The following ATF7IP2 variants were observed in gnomAD, a reference collection of about 807,000 sequenced individuals.
ATF7IP2 encodes the protein activating transcription factor 7 interacting protein 2, also known as activating transcription factor 7-interacting protein 2.
ATF7IP2 carries 42 observed loss-of-function variants against 64.2 expected under a neutral mutation model. The ratio of observed to expected loss-of-function variants is 0.65; its 90% CI spans 0.51 to 0.85. The LOEUF (loss-of-function observed/expected upper bound fraction) is 0.85. ATF7IP2 is among the 40% of genes least tolerant of loss of function. The pLI, the probability that ATF7IP2 is intolerant of heterozygous loss-of-function variation, is 0.00. For synonymous variants in ATF7IP2, 308 were observed against 272.8 expected (o/e 1.13, Z -1.27); for missense variants, 933 against 784.2 (o/e 1.19, Z -2.27).
intron 8 of ATF7IP2, chr16:10,446,733 G>A (rs889995973): frequency 6.6e-6 from 1 of 152,108 alleles, no homozygotes; most frequent in Non-Finnish European, 1.5e-5. Flanking sequence ...GGACTATCAG[G>A]GGGAATGTTA....
chr16:10,407,400 A>T (rs1226488313), intron 1 of ATF7IP2, among the ~76,000 whole-genome samples: 2 of 152,154 alleles, frequency 1.3e-5, no homozygotes, highest in East Asian at 3.9e-4. Flanking sequence ...ATCAGAGGAG[A>T]AATAAGGGGC....
At chr16:10,418,057 G>C (rs938003296) in intron 2 of ATF7IP2, among the ~76,000 whole-genome samples, 1 of 152,210 alleles carries the variant, frequency 6.6e-6, no homozygotes, top group Non-Finnish European at 1.5e-5. Flanking sequence ...CTTCAAAGCT[G>C]AAAGCCACAA....
At chr16:10,433,681 C>G in intron 6 of ATF7IP2, 32 bp downstream of exon 6, 1 of 1,607,246 alleles carries the variant, frequency 6.2e-7, no homozygotes. Flanking sequence ...GGAACTTTTA[C>G]TTTTGATTAG....
chr16:10,463,913 C>G (rs2049461356), intron 9 of ATF7IP2, among the ~76,000 whole-genome samples: 1 of 152,194 alleles, frequency 6.6e-6, no homozygotes, highest in Non-Finnish European at 1.5e-5. Context: ...GATTGTGGCA[C>G]CCCTCCTATT....
intron 1 of ATF7IP2, among the ~76,000 whole-genome samples, chr16:10,395,018 A>G (rs1057450461): frequency 6.6e-6 from 1 of 152,148 alleles, no homozygotes; most frequent in Non-Finnish European, 1.5e-5. Context: ...ACAAAAATAG[A>G]AAAGGAAACC....
chr16:10,395,947 A>G (rs147454774), intron 1 of ATF7IP2, among the ~76,000 whole-genome samples: 7 of 152,226 alleles, frequency 4.6e-5, no homozygotes, highest in Non-Finnish European at 1.0e-4. Flanking sequence ...TTCAAATAAT[A>G]AAAGCATCGA....
intron 9 of ATF7IP2, among the ~76,000 whole-genome samples, chr16:10,468,780 T>C (rs532987122): frequency 9.2e-5 from 14 of 152,318 alleles, no homozygotes; most frequent in African/African-American, 2.9e-4. Context: ...GGCCAAGTGA[T>C]TGATTCCTAG....
intron 8 of ATF7IP2, chr16:10,454,211 C>G (rs1596558865): frequency 6.6e-6 from 1 of 151,524 alleles, no homozygotes; most frequent in African/African-American, 2.4e-5. Context: ...AAGTTCGAGA[C>G]CAGCCTTGCT....
intron 1 of ATF7IP2, among the ~76,000 whole-genome samples, chr16:10,409,550 C>T (rs1007276569): frequency 1.3e-5 from 2 of 151,704 alleles, no homozygotes; most frequent in African/African-American, 4.8e-5. Context: ...CCTCAGCCTC[C>T]TAAGTAGCTG....
At chr16:10,439,425 C>T (rs546499971) in intron 7 of ATF7IP2, among the ~76,000 whole-genome samples, 8 of 151,288 alleles carry the variant, frequency 5.3e-5, no homozygotes, top group East Asian at 3.9e-4. Context: ...TTAGTAGAGA[C>T]GGGTTTCACT....
chr16:10,441,794 G>T (rs903470743), intron 8 of ATF7IP2, among the ~76,000 whole-genome samples: 1 of 152,054 alleles, frequency 6.6e-6, no homozygotes, highest in African/African-American at 2.4e-5. Context: ...GTTGCTTTTG[G>T]TGTTTTAGTC....
intron 8 of ATF7IP2, among the ~76,000 whole-genome samples, chr16:10,452,782 C>G (rs891054343): frequency 2.0e-5 from 3 of 152,136 alleles, no homozygotes; most frequent in Non-Finnish European, 4.4e-5. Context: ...ATGCCCTGTC[C>G]AGAGAGGAGG....
rs1338339472 is a variant in ATF7IP2, at chr16:10,431,526, C to T, written c.835+71C>T. ...TTTTCTTTAGGGTATTTTAAAGTCT[C>T]AAATATACAAACCAGTATAGACAGA... On this transcript the variant is annotated intron_variant, in intron 5 of 13. Transcript: ENST00000562102. 36 of 1,011,860 alleles carry T rather than the reference C, an allele frequency of 3.6e-5. No homozygotes were observed. The East Asian group carries it at 8.2e-4, about 23-fold the overall frequency. The allele number at this position is 1,011,860 out of a possible 1,614,324, so 62.7% of individuals were successfully genotyped here. A position where few individuals can be genotyped will look rare whatever the true frequency, so the allele number is the denominator to read the frequency against.
In ATF7IP2 at chr16:10,431,017, G is replaced by C; in HGVS notation, c.397G>C (p.Glu133Gln). 6.2e-7 allele frequency: 1 copy of C among 1,614,162 alleles called. No homozygotes were observed. The highest frequency in any genetic ancestry group is 8.5e-7 in the Non-Finnish European group (1 of 1,180,032). ...TESPSRVFTE[E>Q]AKDSLNTSEN... ...ATCCCCCAGCAGAGTCTTCACAGAAGAGGCAAAAGATTCACTGAACACTTC... is the reference window on the plus strand; with the variant it reads ...ATCCCCCAGCAGAGTCTTCACAGAACAGGCAAAAGATTCACTGAACACTTC... Residue 133 changes from glutamate to glutamine, a missense_variant, in exon 5 of 14, where the codon GAG becomes CAG. By Grantham distance (29) the Glu-to-Gln change is conservative. Coordinates refer to ENST00000562102, the MANE Select transcript of ATF7IP2 (RefSeq NM_001393719.1).
At chr16:10,457,212 C>A (rs1327433082) in intron 8 of ATF7IP2, 160 bp from the exon 9 acceptor site, 1 of 575,586 alleles carries the variant, frequency 1.7e-6, no homozygotes, top group Non-Finnish European at 3.0e-6. Context: ...TTCATTTTGG[C>A]AGGCAAATCA....
chr16:10,419,300 C>T (rs2047942894), intron 2 of ATF7IP2, among the ~76,000 whole-genome samples: 1 of 152,078 alleles, frequency 6.6e-6, no homozygotes. Context: ...ATGTTCAAAT[C>T]CTAAAGAAAT....
At chr16:10,400,189 T>C (rs2047500428) in intron 1 of ATF7IP2, among the ~76,000 whole-genome samples, 2 of 152,076 alleles carry the variant, frequency 1.3e-5, no homozygotes, top group South Asian at 4.2e-4. Flanking sequence ...TACAGGCGCC[T>C]GCCACCACGC....
intron 4 of ATF7IP2, 106 bp from the exon 5 acceptor site, chr16:10,430,505 C>A: frequency 1.6e-6 from 1 of 641,976 alleles, no homozygotes. Context: ...TATGGAGAGA[C>A]AGTGTCAATG....
intron 12 of ATF7IP2, among the ~76,000 whole-genome samples, chr16:10,476,749 A>G (rs1390737755): frequency 6.6e-6 from 1 of 152,118 alleles, no homozygotes; most frequent in Non-Finnish European, 1.5e-5. Context: ...AAGTGAGAAC[A>G]TGTGGTATTT....
Sources: allele counts gnomAD v4.1 joint callset (sites outside exome capture counted in the v4.1 genomes callset), GRCh38; gene constraint gnomAD v4.1.1; transcripts MANE v1.5; gene names NCBI Gene and HGNC (gene_info 2026-07-23, HGNC 2026-07-21).